WWOX: variants seen among roughly 807,000 people sequenced by gnomAD.
WWOX encodes WW domain containing oxidoreductase, also known as WW domain-containing oxidoreductase.
A neutral mutation model predicts 46.2 loss-of-function variants in WWOX; 69 were observed. That is an observed-to-expected ratio of 1.49 (90% CI 1.23 to 1.82). WWOX has a LOEUF of 1.82. Ranked by LOEUF, WWOX falls within the 40% of genes most tolerant of loss-of-function variation. WWOX has a pLI of 0.00. For missense variants in WWOX, 919 were observed against 542.6 expected (o/e 1.69, Z -6.89); for synonymous variants, 359 against 202.6 (o/e 1.77, Z -6.56).
At chr16:78,595,563 G>T (rs561344810) in intron 8 of WWOX, among the ~76,000 whole-genome samples, 4 of 152,178 alleles carry the variant, frequency 2.6e-5, no homozygotes, top group African/African-American at 7.2e-5. Context: ...CCCCACCACA[G>T]TTAGCTATCA....
chr16:79,142,979 C>T (rs918036273), intron 8 of WWOX, among the ~76,000 whole-genome samples: 1 of 152,262 alleles, frequency 6.6e-6, no homozygotes, highest in East Asian at 1.9e-4. Flanking sequence ...GCAGAGATTA[C>T]AGGCGTGAGC....
chr16:78,547,903 G>T (rs1328580690), intron 8 of WWOX, among the ~76,000 whole-genome samples: 1 of 152,094 alleles, frequency 6.6e-6, no homozygotes, highest in African/African-American at 2.4e-5. Flanking sequence ...TGTAATCCCA[G>T]CACTTTGGGA....
intron 8 of WWOX, among the ~76,000 whole-genome samples, chr16:78,900,934 C>T (rs370427843): frequency 3.1e-4 from 47 of 151,638 alleles, no homozygotes; most frequent in African/African-American, 1.1e-3. Context: ...ATGTTCTATT[C>T]CCAAGAAGAG....
chr16:78,808,180 A>T (rs1295912406), intron 8 of WWOX, among the ~76,000 whole-genome samples: 1 of 152,140 alleles, frequency 6.6e-6, no homozygotes, highest in African/African-American at 2.4e-5. Flanking sequence ...CCTCAAGATC[A>T]TGTCCTCTTT....
chr16:79,063,583 T>C (rs1440365130), intron 8 of WWOX, among the ~76,000 whole-genome samples: 1 of 152,160 alleles, frequency 6.6e-6, no homozygotes, highest in East Asian at 1.9e-4. Flanking sequence ...AGGAGCGGAT[T>C]TGGAAACAAG....
chr16:79,077,747 CTTTTG>C (rs1370566350), intron 8 of WWOX, among the ~76,000 whole-genome samples: 3 of 151,470 alleles, frequency 2.0e-5, no homozygotes, highest in Non-Finnish European at 4.4e-5. Flanking sequence ...TTTCCAAATC[CTTTTG>C]TTTTGTTATC....
intron 8 of WWOX, among the ~76,000 whole-genome samples, chr16:79,033,973 GGGGTCAC>G (rs1381046473): frequency 2.0e-5 from 3 of 152,322 alleles, no homozygotes; most frequent in Non-Finnish European, 4.4e-5. Context: ...GCCCAGCCAA[GGGGTCAC>G]GCAGGGGACT....
intron 8 of WWOX, among the ~76,000 whole-genome samples, chr16:78,925,866 G>C (rs1225229199): frequency 1.3e-5 from 2 of 152,130 alleles, no homozygotes; most frequent in Admixed American, 1.3e-4. Flanking sequence ...GTCATTTCTT[G>C]GTTTTTCATT....
At chr16:78,484,356 TC>T (rs1248019097) in intron 8 of WWOX, among the ~76,000 whole-genome samples, 1 of 152,186 alleles carries the variant, frequency 6.6e-6, no homozygotes, top group Non-Finnish European at 1.5e-5. Context: ...GTATACCTAT[TC>T]CCCAGAGTTT....
intron 8 of WWOX, among the ~76,000 whole-genome samples, chr16:78,540,153 T>C (rs533230551): frequency 1.3e-5 from 2 of 151,974 alleles, no homozygotes; most frequent in Non-Finnish European, 2.9e-5. Context: ...GAGAGTGATA[T>C]ATTCATATAT....
At chr16:78,494,782 T>C (rs549964888) in intron 8 of WWOX, among the ~76,000 whole-genome samples, 1 of 152,322 alleles carries the variant, frequency 6.6e-6, no homozygotes, top group Admixed American at 6.5e-5. Context: ...CCCATCTTTA[T>C]GGTATGGCTT....
intron 8 of WWOX, among the ~76,000 whole-genome samples, chr16:78,811,543 G>A (rs1027415015): frequency 1.5e-5 from 2 of 135,306 alleles, no homozygotes; most frequent in Non-Finnish European, 3.2e-5. Flanking sequence ...CCCCCTTTTT[G>A]TATTTCTAGG....
chr16:78,355,700 G>C lies in WWOX; in HGVS notation c.517-31160G>C, dbSNP rs1297987427. On this transcript the variant is annotated intron_variant, in intron 5 of 8. Coordinates refer to ENST00000566780, the MANE Select transcript of WWOX (RefSeq NM_016373.4). ...AAATATGATCTTGGGAGACGTGGAA[G>C]AAACTGTGACTACTATAGAAATTGA... The C allele has an allele frequency of 4.1e-6, 3 of 740,696 alleles. No homozygotes were observed. In the African/African-American group the frequency reaches 5.4e-5, roughly 13 times the overall value. 45.9% of individuals were successfully genotyped at this position (740,696 alleles called of 1,614,324 possible).
At chr16:78,956,773 C>T (rs1322001026) in intron 8 of WWOX, among the ~76,000 whole-genome samples, 1 of 152,124 alleles carries the variant, frequency 6.6e-6, no homozygotes, top group African/African-American at 2.4e-5. Flanking sequence ...CTGAGCCCAG[C>T]CTCAGACCTG....
intron 4 of WWOX, among the ~76,000 whole-genome samples, chr16:78,157,158 A>G (rs2034633495): frequency 6.6e-6 from 1 of 152,084 alleles, no homozygotes; most frequent in African/African-American, 2.4e-5. Flanking sequence ...AAAGGGACCC[A>G]CAGTCCACCA....
At chr16:78,840,521 G>A (rs962093212) in intron 8 of WWOX, among the ~76,000 whole-genome samples, 1 of 152,090 alleles carries the variant, frequency 6.6e-6, no homozygotes, top group Non-Finnish European at 1.5e-5. Context: ...CAGAGCCAGT[G>A]GTTTATTTTG....
At chr16:79,022,410 G>A (rs1205305284) in intron 8 of WWOX, among the ~76,000 whole-genome samples, 1 of 146,056 alleles carries the variant, frequency 6.8e-6, no homozygotes, top group Admixed American at 6.9e-5. Flanking sequence ...GTTATTTCTT[G>A]GACATGCCCC....
chr16:78,714,466 C>T (rs967570806), intron 8 of WWOX, among the ~76,000 whole-genome samples: 7 of 152,106 alleles, frequency 4.6e-5, no homozygotes, highest in Non-Finnish European at 2.9e-5. Flanking sequence ...CCCACCGAGT[C>T]CCTCCCATGA....
chr16:78,618,958 C>G (rs1234416913), intron 8 of WWOX, among the ~76,000 whole-genome samples: 1 of 149,762 alleles, frequency 6.7e-6, no homozygotes, highest in African/African-American at 2.5e-5. Context: ...AGAACAAAGA[C>G]TTTAAGATAC....
Sources: gnomAD v4.1 joint callset for allele counts (sites outside exome capture counted in the v4.1 genomes callset) on GRCh38, gnomAD v4.1.1 for gene constraint, MANE v1.5 for transcripts, NCBI Gene and HGNC (gene_info 2026-07-23, HGNC 2026-07-21) for gene names.